Variants in FZR1 observed in about 807,000 individuals in gnomAD.
The protein encoded by FZR1 is fizzy-related protein homolog.
In FZR1, 11 loss-of-function variants were observed where a neutral mutation model predicts 63.6. The ratio of observed to expected loss-of-function variants is 0.17; its 90% CI spans 0.11 to 0.29. The LOEUF (loss-of-function observed/expected upper bound fraction) is 0.29, where lower values mean the gene tolerates loss of function less well. Among genes scored for constraint, FZR1 ranks in the 10% least tolerant of loss-of-function variants. The probability of loss-of-function intolerance (pLI) is 1.00; values close to 1 mark genes in which losing one functional copy is unlikely to be tolerated. For missense variants in FZR1, 440 were observed against 687.5 expected (o/e 0.64, Z 4.03); for synonymous variants, 328 against 297.9 (o/e 1.10, Z -1.04).
chr19:3,528,942 G>GA, intron 7 of FZR1, among the ~76,000 whole-genome samples: 1 of 150,390 alleles, frequency 6.6e-6, no homozygotes, highest in South Asian at 2.1e-4. Context: ...GGGAGTGGAT[G>GA]GGAGAGCGGA....
intron 10 of FZR1, 43 bp downstream of exon 10, chr19:3,532,138 G>C: frequency 6.9e-7 from 1 of 1,449,606 alleles, no homozygotes; most frequent in Non-Finnish European, 9.1e-7. Context: ...ACCAGAAGCC[G>C]CACCCCTCAC....
At chr19:3,530,195 C>T (rs1194749961) in intron 7 of FZR1, among the ~76,000 whole-genome samples, 47 of 94,498 alleles carry the variant, frequency 5.0e-4, no homozygotes, top group South Asian at 8.3e-4. Context: ...GATGGTTGAG[C>T]GGATGGGAGA....
In FZR1 at chr19:3,532,066, C is replaced by T. The variant is rs2083253509; in HGVS notation, c.979C>T (p.Leu327Phe). ...CGLKWSTDHQ[L>F]LASGGNDNKL... ...GCTCAAGTGGTCCACAGACCACCAG[C>T]TCCTCGCCTCGGGGGGCAACGACAA... Residue 327 changes from leucine (L) to phenylalanine (F), a missense_variant, in exon 10 of 14, where the codon CTC (leucine) becomes TTC (phenylalanine). By Grantham distance (22) the Leu-to-Phe change is conservative. Transcript: ENST00000441788. The T allele has an allele frequency of 5.3e-6, 8 of 1,522,966 alleles. No individual in the cohort carries two copies. Among genetic ancestry groups the T allele is most frequent in the East Asian group, 4.9e-5 (2 of 40,798 alleles). The allele number at this position is 1,522,966 out of a possible 1,614,324, so 94.3% of individuals were successfully genotyped here. A position where few individuals can be genotyped will look rare whatever the true frequency, so the allele number is the denominator to read the frequency against.
chr19:3,519,803 G>C (rs1034623026), intron 1 of FZR1, among the ~76,000 whole-genome samples: 2 of 152,204 alleles, frequency 1.3e-5, no homozygotes, highest in Admixed American at 6.5e-5. Context: ...AGTGGTCTCT[G>C]CTCCGCGGTT....
At chr19:3,532,868 C>T (rs2083262068) in intron 11 of FZR1, among the ~76,000 whole-genome samples, 1 of 151,972 alleles carries the variant, frequency 6.6e-6, no homozygotes, top group Admixed American at 6.5e-5. Context: ...GCCTCTGGGC[C>T]CCCATCGCAG....
rs963172669 is a variant in FZR1, at chr19:3,514,045, G to C, written c.-35+7571G>C. On this transcript the variant is annotated intron_variant, in intron 1 of 13. Coordinates refer to ENST00000441788, the MANE Select transcript of FZR1 (RefSeq NM_016263.4). This position sits in a 1 kb window ranked among gnomAD's most constrained non-coding sequence, Gnocchi z 4.2. ...AGCTTGGCTGAGCCTCCAGGAACCA[G>C]AGTGCTGTGTTCCTGAGGAAGATCC... Among the ~76,000 whole-genome samples the C allele has an allele frequency of 1.3e-5, 2 of 152,192 alleles. No homozygotes were observed. The highest frequency in any genetic ancestry group is 4.8e-5 in the African/African-American group (2 of 41,444).
intron 1 of FZR1, among the ~76,000 whole-genome samples, chr19:3,520,271 T>C (rs2083089967): frequency 6.6e-6 from 1 of 152,056 alleles, no homozygotes; most frequent in Non-Finnish European, 1.5e-5. Flanking sequence ...GGAGAGGCCA[T>C]TCTGGGCGAG....
intron 1 of FZR1, among the ~76,000 whole-genome samples, chr19:3,510,430 G>C (rs1034990621): frequency 3.9e-5 from 6 of 152,216 alleles, no homozygotes. Context: ...CAGCATGCCC[G>C]GCCACACTGC....
In FZR1 at chr19:3,529,842, G is replaced by A. The variant is rs561643578; in HGVS notation, c.655-950G>A. 2.7e-4 allele frequency among the ~76,000 whole-genome samples: 33 copies of A among 124,378 alleles called. 1 individual carries two copies. Among genetic ancestry groups the A allele is most frequent in the Admixed American group, 9.4e-4 (12 of 12,802 alleles). The allele number at this position is 124,378 out of a possible 152,430, so 81.6% of individuals were successfully genotyped here. The stretch of plus-strand genomic sequence containing the variant: ...TGGATGGGTGAGCGGATGGGTGAGC[G>A]GGTGGGTGAGCGGGTGGGTGAGCGG... On this transcript the variant is annotated intron_variant, in intron 7 of 13. Transcript: ENST00000441788.
intron 1 of FZR1, among the ~76,000 whole-genome samples, chr19:3,513,757 G>T (rs1033965136): frequency 6.6e-6 from 1 of 152,110 alleles, no homozygotes; most frequent in African/African-American, 2.4e-5. Context: ...TCCCCTGTGG[G>T]TAGCAAGTGC....
At chr19:3,513,944 C>T (rs2083040841) in intron 1 of FZR1, among the ~76,000 whole-genome samples, 3 of 152,156 alleles carry the variant, frequency 2.0e-5, no homozygotes, top group South Asian at 2.1e-4. Context: ...TCCTTTTGTC[C>T]GTTAAAGAGC....
chr19:3,512,406 C>G (rs1233177532), intron 1 of FZR1, among the ~76,000 whole-genome samples: 1 of 152,214 alleles, frequency 6.6e-6, no homozygotes, highest in East Asian at 1.9e-4. Context: ...CCCTGCTTAA[C>G]TGATGAAGAA....
At chr19:3,520,591 C>G (rs1323261220) in intron 1 of FZR1, among the ~76,000 whole-genome samples, 2 of 152,252 alleles carry the variant, frequency 1.3e-5, no homozygotes, top group African/African-American at 4.8e-5. Flanking sequence ...GCTGCATGCT[C>G]TTGTCCCTCA....
At chr19:3,531,441 C>T (rs2083245868) in intron 8 of FZR1, among the ~76,000 whole-genome samples, 2 of 152,364 alleles carry the variant, frequency 1.3e-5, no homozygotes, top group South Asian at 2.1e-4. Flanking sequence ...TTCTCCTTCC[C>T]TCTGTGTGAA....
intron 1 of FZR1, among the ~76,000 whole-genome samples, chr19:3,511,297 C>T (rs987550617): frequency 4.6e-5 from 7 of 152,256 alleles, no homozygotes; most frequent in African/African-American, 1.2e-4. Flanking sequence ...GCAGTTCTCA[C>T]GGGAGTGGGC....
intron 1 of FZR1, among the ~76,000 whole-genome samples, chr19:3,520,127 A>G (rs1206145613): frequency 6.6e-6 from 1 of 152,214 alleles, no homozygotes; most frequent in East Asian, 1.9e-4. Flanking sequence ...CTGGGGACAG[A>G]TGCTTAGGCC....
At chr19:3,509,631 C>T (rs936652108) in intron 1 of FZR1, among the ~76,000 whole-genome samples, 8 of 152,208 alleles carry the variant, frequency 5.3e-5, no homozygotes, top group African/African-American at 1.9e-4. Flanking sequence ...CCCCATCAGC[C>T]GCCACCACCT....
intron 10 of FZR1, 112 bp from the exon 11 acceptor site, chr19:3,532,305 C>T: frequency 4.5e-6 from 4 of 892,158 alleles, no homozygotes; most frequent in Non-Finnish European, 6.7e-6. Flanking sequence ...CTTGAGGGAG[C>T]AGCAGGAGGA....
chr19:3,524,305 G>A (rs118131810), intron 2 of FZR1, among the ~76,000 whole-genome samples: 27 of 152,332 alleles, frequency 1.8e-4, no homozygotes, highest in Non-Finnish European at 3.5e-4. Context: ...AGTGCACTTC[G>A]AAGTCTCCCG....
Sources: gnomAD v4.1 joint callset for allele counts (sites outside exome capture counted in the v4.1 genomes callset) on GRCh38, gnomAD v4.1.1 for gene constraint, Gnocchi (gnomAD v3.1) non-coding constraint, MANE v1.5 for transcripts, NCBI Gene and HGNC (gene_info 2026-07-23, HGNC 2026-07-21) for gene names.